Variants in KCNMB4 observed in about 807,000 individuals in gnomAD.
KCNMB4 encodes the protein calcium-activated potassium channel subunit beta-4.
Under a neutral mutation model 20.7 loss-of-function variants are expected in KCNMB4, and 3 were observed. The observed-to-expected ratio is 0.14, with a 90% CI of 0.07 to 0.37. The LOEUF is 0.37. KCNMB4 is among the 10% of genes least tolerant of loss of function. KCNMB4 has a pLI of 1.00. For synonymous variants in KCNMB4, 110 were observed against 113.4 expected (o/e 0.97, Z 0.19); for missense variants, 168 against 265.9 (o/e 0.63, Z 2.56).
At chr12:70,388,199 T>G (rs1868272613) in intron 1 of KCNMB4, among the ~76,000 whole-genome samples, 1 of 152,220 alleles carries the variant, frequency 6.6e-6, no homozygotes, top group Admixed American at 6.5e-5. Flanking sequence ...TGTATATATG[T>G]ACCCCATTTT....
chr12:70,409,177 C>T (rs925237125), intron 2 of KCNMB4, among the ~76,000 whole-genome samples: 2 of 152,114 alleles, frequency 1.3e-5, no homozygotes, highest in Admixed American at 6.6e-5. Flanking sequence ...ACAGAGTACA[C>T]GGAGCAGGCT....
Position 70,432,337 on chromosome 12 carries a change from T to A in KCNMB4, c.*1684T>A, listed in dbSNP as rs942315549. The A allele has an allele frequency of 6.6e-6, 1 of 152,240 alleles. No homozygotes were observed. Among genetic ancestry groups the A allele is most frequent in the African/African-American group, 2.4e-5 (1 of 41,474 alleles). The allele number at this position is 152,240 out of a possible 1,614,324, so 9.4% of individuals were successfully genotyped here. ...TGTTTTCTTAATCTTAGAATGTGAA[T>A]AACTGAAAATCATAGTCTGTGGAAA... On this transcript the variant is annotated 3_prime_UTR_variant, in exon 3 of 3. Transcript: ENST00000258111.
chr12:70,388,217 C>G (rs1185384206), intron 1 of KCNMB4, among the ~76,000 whole-genome samples: 3 of 152,074 alleles, frequency 2.0e-5, no homozygotes, highest in Admixed American at 2.0e-4. Flanking sequence ...TTTCTTTATC[C>G]ATTCATCTGT....
intron 1 of KCNMB4, among the ~76,000 whole-genome samples, chr12:70,397,267 A>C (rs1211599059): frequency 6.6e-6 from 1 of 152,084 alleles, no homozygotes; most frequent in Non-Finnish European, 1.5e-5. Flanking sequence ...GGATTGCTTG[A>C]GCCCCAAGAG....
At chr12:70,394,287 T>C (rs1180623431) in intron 1 of KCNMB4, among the ~76,000 whole-genome samples, 1 of 152,142 alleles carries the variant, frequency 6.6e-6, no homozygotes, top group Non-Finnish European at 1.5e-5. Context: ...GTGGATCTTT[T>C]TGACAAGCAG....
intron 2 of KCNMB4, among the ~76,000 whole-genome samples, chr12:70,402,654 CAAAAAAAAA>C (rs34956547): frequency 5.3e-5 from 4 of 75,108 alleles, no homozygotes; most frequent in East Asian, 4.0e-4. Flanking sequence ...GACCCTGCCT[CAAAAAAAAA>C]AAAAAAAAAA....
chr12:70,391,581 C>G (rs1356716667), intron 1 of KCNMB4, among the ~76,000 whole-genome samples: 1 of 152,196 alleles, frequency 6.6e-6, no homozygotes. Context: ...TCTAGGATTA[C>G]AGGTGTGAGC....
intron 2 of KCNMB4, among the ~76,000 whole-genome samples, chr12:70,425,883 A>G (rs1179708072): frequency 6.6e-6 from 1 of 152,230 alleles, no homozygotes; most frequent in Non-Finnish European, 1.5e-5. Flanking sequence ...TCACGCCCAT[A>G]ATCCCAGTAG....
At chr12:70,367,641 G>A (rs73326314) in intron 1 of KCNMB4, among the ~76,000 whole-genome samples, 1 of 152,066 alleles carries the variant, frequency 6.6e-6, no homozygotes. Context: ...ATCAAATGTG[G>A]AATATTGCGG....
At chr12:70,374,151 A>C (rs1204852413) in intron 1 of KCNMB4, among the ~76,000 whole-genome samples, 1 of 152,224 alleles carries the variant, frequency 6.6e-6, no homozygotes, top group Non-Finnish European at 1.5e-5. Context: ...AGAAACTAAA[A>C]ATCAAAAGAG....
chr12:70,381,131 A>G (rs533541963), intron 1 of KCNMB4, among the ~76,000 whole-genome samples: 84 of 152,304 alleles, frequency 5.5e-4, no homozygotes, highest in African/African-American at 1.6e-3. Flanking sequence ...CAAATGGCCA[A>G]TGAGCACATG....
At chr12:70,368,331 G>A (rs1424701678) in intron 1 of KCNMB4, among the ~76,000 whole-genome samples, 1 of 151,846 alleles carries the variant, frequency 6.6e-6, no homozygotes, top group Non-Finnish European at 1.5e-5. Flanking sequence ...TCTTGAATTT[G>A]AGACATTTAG....
At chr12:70,412,963 T>C (rs10879137) in intron 2 of KCNMB4, among the ~76,000 whole-genome samples, 1 of 152,000 alleles carries the variant, frequency 6.6e-6, no homozygotes, top group Non-Finnish European at 1.5e-5. Flanking sequence ...ATATATCCTG[T>C]ATCTTAAAAA....
At chr12:70,396,235 T>C (rs1010522557) in intron 1 of KCNMB4, among the ~76,000 whole-genome samples, 2 of 152,170 alleles carry the variant, frequency 1.3e-5, no homozygotes, top group Admixed American at 1.3e-4. Flanking sequence ...GATAGAGATA[T>C]GGAAAGCAGT....
At chr12:70,411,393 A>C (rs1868771700) in intron 2 of KCNMB4, among the ~76,000 whole-genome samples, 2 of 152,238 alleles carry the variant, frequency 1.3e-5, no homozygotes, top group African/African-American at 4.8e-5. Context: ...CTTAAAAGGC[A>C]AAGAAATGTG....
At chr12:70,420,874 C>A (rs377035698) in intron 2 of KCNMB4, among the ~76,000 whole-genome samples, 2 of 151,806 alleles carry the variant, frequency 1.3e-5, no homozygotes, top group African/African-American at 4.8e-5. Context: ...CTGGCTAACA[C>A]GGTGAAACCC....
chr12:70,407,752 C>T (rs1328849403), intron 2 of KCNMB4, among the ~76,000 whole-genome samples: 1 of 151,852 alleles, frequency 6.6e-6, no homozygotes, highest in East Asian at 1.9e-4. Flanking sequence ...CAGGCGTGAG[C>T]CACCGCGCCC....
intron 2 of KCNMB4, chr12:70,422,881 C>G (rs568836967): frequency 4.2e-5 from 48 of 1,145,500 alleles, no homozygotes; most frequent in Non-Finnish European, 5.0e-5. Context: ...GTCTATTACT[C>G]TGGGAGCACA....
chr12:70,377,101 T>G (rs1031519891), intron 1 of KCNMB4, among the ~76,000 whole-genome samples: 13 of 152,198 alleles, frequency 8.5e-5, no homozygotes, highest in African/African-American at 3.1e-4. Context: ...GATCTACAGA[T>G]TCATTACAGT....
Sources: allele counts gnomAD v4.1 joint callset (sites outside exome capture counted in the v4.1 genomes callset), GRCh38; gene constraint gnomAD v4.1.1; transcripts MANE v1.5; gene names NCBI Gene and HGNC (gene_info 2026-07-23, HGNC 2026-07-21).